Variants in RARG observed in about 807,000 individuals in gnomAD.
RARG encodes the protein retinoic acid receptor gamma.
RARG carries 17 observed loss-of-function variants against 43.7 expected under a neutral mutation model. The observed-to-expected ratio is 0.39, with a 90% CI of 0.27 to 0.58. RARG has a LOEUF of 0.58. Among genes scored for constraint, RARG ranks in the 20% least tolerant of loss-of-function variants. The pLI is 0.57. For synonymous variants in RARG, 238 were observed against 236.4 expected, an observed-to-expected ratio of 1.01 and a Z score of -0.06; for missense variants, 346 against 598.7, an observed-to-expected ratio of 0.58 and a Z score of 4.40.
intron 9 of RARG, among the ~76,000 whole-genome samples, chr12:53,212,784 T>A (rs984171370): frequency 1.6e-4 from 23 of 143,244 alleles, no homozygotes; most frequent in African/African-American, 5.5e-4. Flanking sequence ...ACACACATAC[T>A]TGGAATTGTG....
chr12:53,214,937 C>T (rs904932090), intron 5 of RARG: 29 of 381,342 alleles, frequency 7.6e-5, no homozygotes, highest in East Asian at 1.8e-4. Context: ...ACAATGGGGG[C>T]GAGGGGGGGG....
intron 9 of RARG, among the ~76,000 whole-genome samples, chr12:53,212,733 T>TACAC (rs1168228129): frequency 1.8e-4 from 24 of 130,790 alleles, no homozygotes; most frequent in African/African-American, 6.5e-4. Flanking sequence ...TCTAAATATA[T>TACAC]ATATACACAC....
intron 6 of RARG, 70 bp from the exon 7 acceptor site, chr12:53,214,305 C>A: frequency 6.5e-7 from 1 of 1,545,998 alleles, no homozygotes; most frequent in Non-Finnish European, 8.9e-7. Flanking sequence ...CTTCTCTCTA[C>A]CAATATCCCA....
At chr12:53,225,040 A>T (rs1943073022) in intron 3 of RARG, among the ~76,000 whole-genome samples, 1 of 152,102 alleles carries the variant, frequency 6.6e-6, no homozygotes. Flanking sequence ...TGCCTCTCCC[A>T]GAACCTGAGA....
At chr12:53,217,876 C>T (rs983007991) in intron 3 of RARG, among the ~76,000 whole-genome samples, 9 of 152,280 alleles carry the variant, frequency 5.9e-5, no homozygotes, top group South Asian at 2.1e-4. Flanking sequence ...CTCCCAGCTG[C>T]GAGGCTCAGA....
chr12:53,221,832 C>T (rs917549594), intron 3 of RARG, among the ~76,000 whole-genome samples: 1 of 150,812 alleles, frequency 6.6e-6, no homozygotes, highest in African/African-American at 2.4e-5. Flanking sequence ...GGAGCGGGAG[C>T]GGCGCCCGGC....
At position 53,215,705 on chromosome 12, in the gene RARG, C is replaced by T; in HGVS notation, c.274G>A (p.Val92Met). 4.3e-6 allele frequency: 7 copies of T among 1,613,758 alleles called. No homozygotes were observed. The highest frequency in any genetic ancestry group is 5.1e-6 in the Non-Finnish European group (6 of 1,179,928). Reference sequence around the variant, plus strand: ...TAGCCAGAGGACTTGTCATTGCACACGAAGCATGGCTTGTAGACCCGAGGA... The same window carrying T: ...TAGCCAGAGGACTTGTCATTGCACATGAAGCATGGCTTGTAGACCCGAGGA... ...PPPRVYKPCF[V>M]CNDKSSGYHY... The change falls in exon 4 of 10, where the codon GTG (valine) becomes ATG (methionine). Residue 92 changes from valine (V) to methionine (M), a missense_variant. Transcript: ENST00000425354. This position sits in a 1 kb window ranked among gnomAD's most constrained non-coding sequence, Gnocchi z 6.4.
chr12:53,231,957 T>C lies in RARG; in HGVS notation c.-210+17A>G, dbSNP rs914696838. 1.3e-5 allele frequency: 5 copies of C among 395,546 alleles called. No homozygotes were observed. The highest frequency in any genetic ancestry group is 2.2e-5 in the Non-Finnish European group (5 of 224,690). 24.5% of individuals were successfully genotyped at this position (395,546 alleles called of 1,614,324 possible). A position where few individuals can be genotyped will look rare whatever the true frequency, so the allele number is the denominator to read the frequency against. On this transcript the variant is annotated intron_variant, in intron 1 of 9. Transcript: ENST00000425354. The stretch of plus-strand genomic sequence containing the variant: ...CAGGCGACGGGGCGGGCGAGCCTGC[T>C]TCCCCGCCTGACTCACCTGGAGTGG...
chr12:53,216,841 TGC>T (rs61199415), intron 3 of RARG, among the ~76,000 whole-genome samples: 7,015 of 129,006 alleles, frequency 0.054, 185 homozygotes, highest in South Asian at 0.13. Flanking sequence ...TGTGTGTGTG[TGC>T]GCGCGCGCGC....
rs191038340 is a variant in RARG, at chr12:53,220,608, G to A, written c.185-4814C>T. Among the ~76,000 whole-genome samples, 194 of 152,270 alleles carry A rather than the reference G, an allele frequency of 1.3e-3. 2 individuals are homozygous for A. The highest frequency in any genetic ancestry group is 4.5e-3 in the African/African-American group (189 of 41,546). ...TGTGAGCACGCATATAAAATCATAG[G>A]TGCACACACGTTTGTGCAAACACAC... On this transcript the variant is annotated intron_variant, in intron 3 of 9. Transcript: ENST00000425354.
chr12:53,226,488 C>T (rs555357148), intron 3 of RARG, among the ~76,000 whole-genome samples: 26 of 152,240 alleles, frequency 1.7e-4, no homozygotes, highest in African/African-American at 6.0e-4. Flanking sequence ...CCACCATACC[C>T]GGCTAATTTT....
chr12:53,219,908 T>A, intron 3 of RARG: 1 of 1,443,140 alleles, frequency 6.9e-7, no homozygotes, highest in East Asian at 2.5e-5. Flanking sequence ...AATCCCACCC[T>A]CTCCTGCACC....
At chr12:53,214,285 TG>T in intron 6 of RARG, 50 bp from the exon 7 acceptor site, 1 of 1,566,998 alleles carries the variant, frequency 6.4e-7, no homozygotes. Flanking sequence ...GGCCCACCTC[TG>T]GGGGCTGTCT....
At chr12:53,212,727 AATAT>A (rs775006726) in intron 9 of RARG, among the ~76,000 whole-genome samples, 4,927 of 144,690 alleles carry the variant, frequency 0.034, 165 homozygotes, top group African/African-American at 0.072. Context: ...TTTGTCTCTA[AATAT>A]ATATATACAC....
At chr12:53,217,004 A>G (rs971545666) in intron 3 of RARG, among the ~76,000 whole-genome samples, 9 of 151,920 alleles carry the variant, frequency 5.9e-5, no homozygotes, top group Non-Finnish European at 8.8e-5. Flanking sequence ...CACCTCATGA[A>G]CACCTTCTCC....
At chr12:53,212,612 C>T (rs760529122) in intron 9 of RARG, among the ~76,000 whole-genome samples, 1 of 152,122 alleles carries the variant, frequency 6.6e-6, no homozygotes, top group African/African-American at 2.4e-5. Flanking sequence ...CCTGGCTTTA[C>T]ATTGTATATT....
chr12:53,220,207 G>A (rs1424227252), intron 3 of RARG: 5 of 1,546,894 alleles, frequency 3.2e-6, no homozygotes, highest in Non-Finnish European at 4.4e-6. Context: ...GGGAGGGGGA[G>A]GGCTAGCATA....
intron 2 of RARG, chr12:53,229,839 T>C: frequency 1.5e-6 from 1 of 666,440 alleles, no homozygotes; most frequent in Non-Finnish European, 1.9e-6. Flanking sequence ...GCTTCTCACC[T>C]ACCAATGGGA....
Position 53,214,495 on chromosome 12 carries a change from G to A in RARG, c.587C>T (p.Ala196Val). The A allele has an allele frequency of 6.2e-7, 1 of 1,613,946 alleles. No individual in the cohort carries two copies. The highest frequency in any genetic ancestry group is 8.5e-7 in the Non-Finnish European group (1 of 1,179,834). The stretch of plus-strand genomic sequence containing the variant: ...GAGCGAGGGGAAAGTCTCCTGATGG[G>A]CTTTGCTGACCTTGGTGATGAGCTC... ...LEELITKVSK[A>V]HQETFPSLCQ... Residue 196 changes from alanine (A) to valine (V), a missense_variant, in exon 6 of 10, where the codon GCC becomes GTC. By Grantham distance (64) the Ala-to-Val change is moderately conservative. Coordinates refer to ENST00000425354, the MANE Select transcript of RARG (RefSeq NM_000966.6).
Sources: allele counts gnomAD v4.1 joint callset (sites outside exome capture counted in the v4.1 genomes callset), GRCh38; gene constraint gnomAD v4.1.1; non-coding constraint Gnocchi (gnomAD v3.1); transcripts MANE v1.5; gene names NCBI Gene and HGNC (gene_info 2026-07-23, HGNC 2026-07-21).